The following EXD3 variants were observed in gnomAD, a reference collection of about 807,000 sequenced individuals.
EXD3 encodes exonuclease mut-7 homolog.
A neutral mutation model predicts 98.0 loss-of-function variants in EXD3; 92 were observed. The observed-to-expected ratio is 0.94, with a 90% CI of 0.79 to 1.12. The LOEUF is 1.12. Ranked by LOEUF, EXD3 falls within the 50% of genes most tolerant of loss-of-function variation. The pLI, the probability that EXD3 is intolerant of heterozygous loss-of-function variation, is 0.00. For synonymous variants in EXD3, 569 were observed against 526.0 expected (o/e 1.08, Z -1.12); for missense variants, 1,222 against 1,191.6 (o/e 1.03, Z -0.38).
At chr9:137,378,028 C>T (rs1045987929) in intron 3 of EXD3, among the ~76,000 whole-genome samples, 2 of 151,418 alleles carry the variant, frequency 1.3e-5, no homozygotes, top group East Asian at 2.0e-4. Flanking sequence ...CTCCTGACCT[C>T]GTGATTCGCC....
intron 1 of EXD3, among the ~76,000 whole-genome samples, chr9:137,400,960 ACTCTGCATGGTACAGC>A (rs1837455585): frequency 6.6e-6 from 1 of 151,878 alleles, no homozygotes; most frequent in African/African-American, 2.4e-5. Context: ...CACCCCTGTG[ACTCTGCATGGTACAGC>A]CTCCCTCCCA....
At chr9:137,328,200 A>C in intron 17 of EXD3, among the ~76,000 whole-genome samples, 1 of 150,346 alleles carries the variant, frequency 6.7e-6, no homozygotes, top group Non-Finnish European at 1.5e-5. Flanking sequence ...TAAAACAATT[A>C]ATATACTCCC....
chr9:137,307,460 C>A, intron 21 of EXD3, 148 bp downstream of exon 21: 2 of 1,266,440 alleles, frequency 1.6e-6, no homozygotes, highest in Non-Finnish European at 2.1e-6. Flanking sequence ...AGGGACCCCA[C>A]CCCTCACCTT....
At chr9:137,373,150 C>G in intron 4 of EXD3, 78 bp from the exon 5 acceptor site, 2 of 1,474,180 alleles carry the variant, frequency 1.4e-6, no homozygotes, top group Non-Finnish European at 1.8e-6. Flanking sequence ...GCAGGCCTGG[C>G]TTAGGAAGCA....
At chr9:137,417,608 G>A (rs1838298150) in intron 1 of EXD3, among the ~76,000 whole-genome samples, 2 of 152,188 alleles carry the variant, frequency 1.3e-5, no homozygotes, top group South Asian at 2.1e-4. Flanking sequence ...CCCCAGCCGC[G>A]CTGCGCGTGG....
At chr9:137,355,710 A>C (rs77108560) in intron 8 of EXD3, among the ~76,000 whole-genome samples, 5,362 of 98,768 alleles carry the variant, frequency 0.054, 34 homozygotes, top group East Asian at 0.17. Flanking sequence ...AGGAGGAAGG[A>C]GGAAGGAGGA....
intron 8 of EXD3, among the ~76,000 whole-genome samples, chr9:137,355,457 A>T (rs1293065878): frequency 6.5e-5 from 7 of 107,686 alleles, no homozygotes; most frequent in African/African-American, 4.3e-5. Flanking sequence ...GGATGGAGGA[A>T]GGAGAAAGGA....
intron 19 of EXD3, among the ~76,000 whole-genome samples, chr9:137,316,711 A>T (rs1447780127): frequency 6.6e-6 from 1 of 152,064 alleles, no homozygotes; most frequent in African/African-American, 2.4e-5. Context: ...GGGGGACAAC[A>T]GAGTGGGGCG....
chr9:137,319,927 C>G (rs1043791874), intron 19 of EXD3, among the ~76,000 whole-genome samples: 3 of 152,202 alleles, frequency 2.0e-5, no homozygotes, highest in Admixed American at 6.5e-5. Flanking sequence ...TCCCCAGCCC[C>G]AACAAGGGCC....
chr9:137,408,546 C>CGAAA (rs1554739803), intron 1 of EXD3, among the ~76,000 whole-genome samples: 1 of 44,510 alleles, frequency 2.2e-5, no homozygotes, highest in African/African-American at 1.1e-4. Context: ...GACTCTGCCT[C>CGAAA]AAAAAAAAAA....
intron 1 of EXD3, among the ~76,000 whole-genome samples, chr9:137,408,929 G>C (rs998502562): frequency 6.6e-6 from 1 of 152,212 alleles, no homozygotes; most frequent in African/African-American, 2.4e-5. Flanking sequence ...GGATGAACTT[G>C]TACAAGGCCC....
At chr9:137,332,595 G>A (rs1004260500) in intron 17 of EXD3, among the ~76,000 whole-genome samples, 3 of 151,752 alleles carry the variant, frequency 2.0e-5, no homozygotes, top group Admixed American at 1.3e-4. Context: ...TGTAATCCCA[G>A]CACTTTGGGA....
chr9:137,389,647 C>T (rs1241110993), intron 2 of EXD3, among the ~76,000 whole-genome samples: 1 of 151,926 alleles, frequency 6.6e-6, no homozygotes, highest in Non-Finnish European at 1.5e-5. Context: ...ACGCTCGGAG[C>T]GAGAGGGACA....
Position 137,356,805 on chromosome 9 carries a change from C to T in EXD3, c.657-437G>A, listed in dbSNP as rs545694447. Among the ~76,000 whole-genome samples the T allele has an allele frequency of 3.3e-5, 5 of 152,302 alleles. No homozygotes were observed. The South Asian group carries it at 1.0e-3, about 32-fold the overall frequency. The stretch of plus-strand genomic sequence containing the variant: ...GCTCTGTTGTTTCTCAGTTACCCAT[C>T]CTGGTCCCTTGATACTTGGCTCCTC... On this transcript the variant is annotated intron_variant, in intron 7 of 21. Transcript: ENST00000340951.
In EXD3 at chr9:137,367,814, G is replaced by A. The variant is rs565772373; in HGVS notation, c.516+122C>T. The A allele has an allele frequency of 9.4e-6, 9 of 956,952 alleles. No homozygotes were observed. In the East Asian group the frequency reaches 1.1e-4, roughly 11 times the overall value. The allele number at this position is 956,952 out of a possible 1,614,324, so 59.3% of individuals were successfully genotyped here. A position where few individuals can be genotyped will look rare whatever the true frequency, so the allele number is the denominator to read the frequency against. ...GCTCTGGAGGCCCTCGCCGGCCCCC[G>A]ATGGCCCTGCTGTCCCCCACTGTGG... is the stretch of plus-strand genomic sequence containing the variant. On this transcript the variant is annotated intron_variant, in intron 6 of 21. Coordinates refer to ENST00000340951, the MANE Select transcript of EXD3 (RefSeq NM_017820.5).
chr9:137,365,883 A>T (rs2131653650), intron 7 of EXD3: 2 of 377,062 alleles, frequency 5.3e-6, no homozygotes, highest in East Asian at 7.0e-5. Context: ...ATGCACACAC[A>T]CACACCTGCA....
chr9:137,334,166 TA>T (rs1833239167), intron 17 of EXD3, among the ~76,000 whole-genome samples: 1 of 152,140 alleles, frequency 6.6e-6, no homozygotes, highest in Admixed American at 6.5e-5. Context: ...CACACCCGGC[TA>T]ATTTTTTGTA....
intron 1 of EXD3, among the ~76,000 whole-genome samples, chr9:137,406,264 G>T (rs1270335615): frequency 8.1e-6 from 1 of 123,262 alleles, no homozygotes; most frequent in African/African-American, 3.0e-5. Flanking sequence ...GAAAGGAAAA[G>T]AAAGAAAATA....
intron 8 of EXD3, among the ~76,000 whole-genome samples, chr9:137,355,656 A>C (rs866281040): frequency 1.3e-5 from 1 of 77,814 alleles, no homozygotes; most frequent in Non-Finnish European, 2.8e-5. Flanking sequence ...GGAAGGAGGA[A>C]GGAGGAAGGA....
Sources: allele counts gnomAD v4.1 joint callset (sites outside exome capture counted in the v4.1 genomes callset), GRCh38; gene constraint gnomAD v4.1.1; transcripts MANE v1.5; gene names NCBI Gene and HGNC (gene_info 2026-07-23, HGNC 2026-07-21).